Variants in L3MBTL4 observed in about 807,000 individuals in gnomAD.
L3MBTL4 encodes the protein lethal(3)malignant brain tumor-like protein 4.
In L3MBTL4, 70 loss-of-function variants were observed where a neutral mutation model predicts 84.5. The observed-to-expected ratio is 0.83, with a 90% CI of 0.68 to 1.01. The LOEUF (loss-of-function observed/expected upper bound fraction) is 1.01. Ranked by LOEUF, L3MBTL4 falls within the 50% of genes least tolerant of loss-of-function variation. The pLI, the probability that L3MBTL4 is intolerant of heterozygous loss-of-function variation, is 0.00. For missense variants in L3MBTL4, 715 were observed against 754.8 expected, an observed-to-expected ratio of 0.95 and a Z score of 0.62; for synonymous variants, 274 against 259.8, an observed-to-expected ratio of 1.05 and a Z score of -0.52.
intron 10 of L3MBTL4, among the ~76,000 whole-genome samples, chr18:6,225,425 G>A (rs1782558077): frequency 6.6e-6 from 1 of 152,058 alleles, no homozygotes; most frequent in Non-Finnish European, 1.5e-5. Context: ...AGCACCAAAG[G>A]TAAAGAAAAA....
chr18:6,177,710 C>T (rs1405067773), intron 12 of L3MBTL4, among the ~76,000 whole-genome samples: 1 of 152,172 alleles, frequency 6.6e-6, no homozygotes, highest in Non-Finnish European at 1.5e-5. Context: ...GGCGATGTTG[C>T]AGTGCTCAAG....
chr18:6,031,555 G>C (rs1310239541), intron 16 of L3MBTL4: 9 of 961,206 alleles, frequency 9.4e-6, no homozygotes, highest in African/African-American at 1.8e-5. Flanking sequence ...GGGCCGGTCA[G>C]TTCTGATTTC....
Position 6,414,375 on chromosome 18 carries a change from G to T in L3MBTL4, c.-91+426C>A, listed in dbSNP as rs556053518. ...AAAAGCCAAATGCCCACCGCCGGGC[G>T]CTCGATGGCCGGAGGACTGCCTGGG... On this transcript the variant is annotated intron_variant, in intron 1 of 18. Coordinates refer to ENST00000317931, the MANE Select transcript of L3MBTL4 (RefSeq NM_001330559.2). The surrounding 1 kb of genome is among the most constrained non-coding windows in gnomAD (Gnocchi z 5.4). Among the ~76,000 whole-genome samples, 1 of 152,152 alleles carries T rather than the reference G, an allele frequency of 6.6e-6. No homozygotes were observed. The highest frequency in any genetic ancestry group is 6.5e-5 in the Admixed American group (1 of 15,292).
At chr18:6,215,858 A>G (rs1191412222) in intron 10 of L3MBTL4, 23 bp from the exon 11 acceptor site, 1 of 1,299,760 alleles carries the variant, frequency 7.7e-7, no homozygotes, top group Non-Finnish European at 1.1e-6. Context: ...ATATATAAAT[A>G]GCAAAAGATT....
chr18:6,123,919 G>A (rs1056990358), intron 14 of L3MBTL4, among the ~76,000 whole-genome samples: 1 of 152,176 alleles, frequency 6.6e-6, no homozygotes, highest in African/African-American at 2.4e-5. Context: ...TTATGTGTTG[G>A]GATCAACGAG....
chr18:6,251,900 C>A (rs764706415), intron 5 of L3MBTL4, among the ~76,000 whole-genome samples: 1 of 152,126 alleles, frequency 6.6e-6, no homozygotes, highest in East Asian at 1.9e-4. Flanking sequence ...TCAGAACACA[C>A]GACTACCAAT....
intron 1 of L3MBTL4, among the ~76,000 whole-genome samples, chr18:6,385,295 T>C (rs2054773865): frequency 6.6e-6 from 1 of 152,074 alleles, no homozygotes; most frequent in African/African-American, 2.4e-5. Context: ...CCAGCTACTC[T>C]AGAGGCTGAG....
At chr18:6,383,786 G>A (rs1040236735) in intron 1 of L3MBTL4, among the ~76,000 whole-genome samples, 1 of 152,106 alleles carries the variant, frequency 6.6e-6, no homozygotes, top group Non-Finnish European at 1.5e-5. Flanking sequence ...CTATTAAATC[G>A]TGTTTCCTAA....
At chr18:6,127,838 C>T (rs1012033247) in intron 14 of L3MBTL4, among the ~76,000 whole-genome samples, 4 of 152,132 alleles carry the variant, frequency 2.6e-5, no homozygotes, top group Non-Finnish European at 5.9e-5. Flanking sequence ...TGCCTGGGCC[C>T]TGCCAGCCAC....
At chr18:6,255,233 C>T (rs1300018969) in intron 5 of L3MBTL4, among the ~76,000 whole-genome samples, 1 of 152,214 alleles carries the variant, frequency 6.6e-6, no homozygotes, top group African/African-American at 2.4e-5. Context: ...AATTCCTCCT[C>T]CTTCTGAAGA....
At chr18:6,062,097 G>A (rs575597247) in intron 16 of L3MBTL4, among the ~76,000 whole-genome samples, 10 of 151,772 alleles carry the variant, frequency 6.6e-5, no homozygotes, top group Admixed American at 1.3e-4. Context: ...AAGTAGTTCC[G>A]GGTTTCTGAC....
chr18:6,357,945 CA>C (rs1376697796), intron 1 of L3MBTL4, among the ~76,000 whole-genome samples: 16 of 152,200 alleles, frequency 1.1e-4, no homozygotes, highest in Non-Finnish European at 5.9e-5. Flanking sequence ...CTTGGGAAGA[CA>C]CAAAACCATC....
chr18:6,402,741 C>T (rs564177673), intron 1 of L3MBTL4, among the ~76,000 whole-genome samples: 66 of 152,014 alleles, frequency 4.3e-4, no homozygotes, highest in Non-Finnish European at 7.4e-5. Context: ...CATTTCAAGG[C>T]GGAAGTTTTA....
chr18:6,239,028 C>G (rs1055608334), intron 9 of L3MBTL4, among the ~76,000 whole-genome samples: 20 of 152,006 alleles, frequency 1.3e-4, no homozygotes, highest in African/African-American at 4.8e-4. Flanking sequence ...CCCATTGTCC[C>G]AGAATCTTTC....
At position 5,965,506 on chromosome 18, in the gene L3MBTL4, C is replaced by A. The variant is rs925520106; in HGVS notation, c.1614+3887G>T. Among the ~76,000 whole-genome samples the A allele has an allele frequency of 1.3e-5, 2 of 152,170 alleles. 1 individual carries two copies. Among genetic ancestry groups the A allele is most frequent in the Admixed American group, 1.3e-4 (2 of 15,276 alleles). On this transcript the variant is annotated intron_variant, in intron 17 of 18. Coordinates refer to ENST00000317931, the MANE Select transcript of L3MBTL4 (RefSeq NM_001330559.2). ...CCAGTGCTGACAAAGCGCAAAAGCA[C>A]CCCTGAGCCCCCACCAGTCCAGCTC...
intron 10 of L3MBTL4, among the ~76,000 whole-genome samples, 199 bp downstream of exon 10, chr18:6,237,765 T>A (rs996968526): frequency 4.6e-5 from 7 of 152,054 alleles, no homozygotes; most frequent in Non-Finnish European, 1.0e-4. Flanking sequence ...ACCTAATGCA[T>A]CTTTATAAAC....
At chr18:6,111,608 G>T (rs538111747) in intron 14 of L3MBTL4, among the ~76,000 whole-genome samples, 2 of 152,110 alleles carry the variant, frequency 1.3e-5, no homozygotes, top group African/African-American at 4.8e-5. Flanking sequence ...GAAACAGCCC[G>T]CTGCAAAGGG....
At chr18:6,364,468 TA>T (rs1378818051) in intron 1 of L3MBTL4, among the ~76,000 whole-genome samples, 17 of 152,090 alleles carry the variant, frequency 1.1e-4, no homozygotes, top group Admixed American at 1.1e-3. Context: ...ACTCCAGTCT[TA>T]AAATATACAA....
chr18:6,030,687 T>C, intron 16 of L3MBTL4: 1 of 963,984 alleles, frequency 1.0e-6, no homozygotes, highest in Non-Finnish European at 1.2e-6. Context: ...TAAAAAAATT[T>C]GTTTCAATTT....
Sources: allele counts gnomAD v4.1 joint callset (sites outside exome capture counted in the v4.1 genomes callset), GRCh38; gene constraint gnomAD v4.1.1; non-coding constraint Gnocchi (gnomAD v3.1); transcripts MANE v1.5; gene names NCBI Gene and HGNC (gene_info 2026-07-23, HGNC 2026-07-21).